Variants in CACNG1 observed in about 807,000 individuals in gnomAD.
CACNG1 encodes calcium voltage-gated channel auxiliary subunit gamma 1.
In CACNG1, 21 loss-of-function variants were observed where a neutral mutation model predicts 22.0. That is an observed-to-expected ratio of 0.95 (90% CI 0.68 to 1.37). CACNG1 has a LOEUF of 1.37. Among genes scored for constraint, CACNG1 ranks in the 40% most tolerant of loss-of-function variants. The probability of loss-of-function intolerance (pLI) is 0.00; values close to 1 mark genes in which losing one functional copy is unlikely to be tolerated. For missense variants in CACNG1, 291 were observed against 308.6 expected, an observed-to-expected ratio of 0.94 and a Z score of 0.43; for synonymous variants, 127 against 129.2, an observed-to-expected ratio of 0.98 and a Z score of 0.12.
At chr17:67,045,836 T>C (rs1029261692) in intron 1 of CACNG1, among the ~76,000 whole-genome samples, 2 of 152,128 alleles carry the variant, frequency 1.3e-5, no homozygotes, top group African/African-American at 2.4e-5. Context: ...ACCTGTCCTT[T>C]TGTCAGGACT....
intron 1 of CACNG1, among the ~76,000 whole-genome samples, chr17:67,046,357 A>G (rs560997158): frequency 1.3e-5 from 2 of 152,254 alleles, no homozygotes; most frequent in South Asian, 4.2e-4. Flanking sequence ...CACTAGGGCT[A>G]AGTCCCCAAA....
Position 67,044,943 on chromosome 17 carries a change from C to T in CACNG1, c.229+54C>T, listed in dbSNP as rs2143404799. The stretch of plus-strand genomic sequence containing the variant: ...CCACCTCCTGCTCTTCCCCGTCATC[C>T]CCCTGGCAAAGTTGCCCTTGCGAAG... On this transcript the variant is annotated intron_variant, in intron 1 of 3. Coordinates refer to ENST00000226021, the MANE Select transcript of CACNG1 (RefSeq NM_000727.4). The surrounding 1 kb of genome is among the most constrained non-coding windows in gnomAD (Gnocchi z 6.9). 6.8e-7 allele frequency: 1 copy of T among 1,468,540 alleles called. No individual in the cohort carries two copies. The highest frequency in any genetic ancestry group is 9.4e-7 in the Non-Finnish European group (1 of 1,069,234). The allele number at this position is 1,468,540 out of a possible 1,614,324, so 91.0% of individuals were successfully genotyped here. A position where few individuals can be genotyped will look rare whatever the true frequency, so the allele number is the denominator to read the frequency against.
At position 67,054,709 on chromosome 17, in the gene CACNG1, C is replaced by T. The variant is rs575901661; in HGVS notation, c.305-394C>T. Among the ~76,000 whole-genome samples, 2 of 121,750 alleles carry T rather than the reference C, an allele frequency of 1.6e-5. No individual in the cohort carries two copies. The highest frequency in any genetic ancestry group is 5.3e-5 in the African/African-American group (2 of 37,404). 79.9% of individuals were successfully genotyped at this position (121,750 alleles called of 152,430 possible). A position where few individuals can be genotyped will look rare whatever the true frequency, so the allele number is the denominator to read the frequency against. On this transcript the variant is annotated intron_variant, in intron 2 of 3. Transcript: ENST00000226021. This position sits in a 1 kb window ranked among gnomAD's most constrained non-coding sequence, Gnocchi z 4.6. ...ACTGACACACACGCATGATGACACACAAAATGACACACAGTGACACAGACA... is the reference window on the plus strand; with the variant it reads ...ACTGACACACACGCATGATGACACATAAAATGACACACAGTGACACAGACA...
chr17:67,056,113 A>G lies in CACNG1; in HGVS notation c.511A>G (p.Thr171Ala). ...GAAGCGCATGATTGACAGTGAGGAC[A>G]CCGTCTGGATCGAGTACTATTACTC... ...SVKRMIDSED[T>A]VWIEYYYSWS... The change falls in exon 4 of 4, where the codon ACC (threonine) becomes GCC (alanine). Residue 171 changes from threonine to alanine, a missense_variant. Coordinates refer to ENST00000226021, the MANE Select transcript of CACNG1 (RefSeq NM_000727.4). The surrounding 1 kb of genome is among the most constrained non-coding windows in gnomAD (Gnocchi z 4.3). The G allele has an allele frequency of 6.2e-7, 1 of 1,613,112 alleles. No homozygotes were observed. Among genetic ancestry groups the G allele is most frequent in the Non-Finnish European group, 8.5e-7 (1 of 1,179,856 alleles).
chr17:67,047,712 A>G (rs964390924), intron 1 of CACNG1, among the ~76,000 whole-genome samples: 2 of 152,208 alleles, frequency 1.3e-5, no homozygotes, highest in African/African-American at 4.8e-5. Context: ...AGTAGATAAC[A>G]GTTAGGGAAA....
At chr17:67,053,901 G>C in intron 1 of CACNG1, 95 bp from the exon 2 acceptor site, 1 of 858,720 alleles carries the variant, frequency 1.2e-6, no homozygotes, top group Non-Finnish European at 2.0e-6. Context: ...AGAGCCCCCT[G>C]CATGCCGAGC....
intron 1 of CACNG1, among the ~76,000 whole-genome samples, chr17:67,047,728 A>T (rs2035705251): frequency 6.6e-6 from 1 of 152,220 alleles, no homozygotes. Flanking sequence ...GGAAAACAAC[A>T]GGCTAACCAA....
chr17:67,055,201 T>C lies in CACNG1; in HGVS notation c.403T>C (p.Tyr135His), dbSNP rs1359994306. 1.2e-6 allele frequency: 2 copies of C among 1,614,212 alleles called. No individual in the cohort carries two copies. Among genetic ancestry groups the C allele is most frequent in the African/African-American group, 1.3e-5 (1 of 75,076 alleles). Residue 135 changes from tyrosine (Y) to histidine (H), a missense_variant, in exon 3 of 4, where the codon TAT becomes CAT. Coordinates refer to ENST00000226021, the MANE Select transcript of CACNG1 (RefSeq NM_000727.4). The surrounding 1 kb of genome is among the most constrained non-coding windows in gnomAD (Gnocchi z 4.5). ...CCTGTCCCTCGGGAAGAAGAGGGAC[T>C]ATCTGCTGCGACCCGCGTCCATGTT... ...VLLSLGKKRD[Y>H]LLRPASMFYA...
rs961541062 is a variant in CACNG1, at chr17:67,050,069, C to G, written c.230-3927C>G. On this transcript the variant is annotated intron_variant, in intron 1 of 3. Coordinates refer to ENST00000226021, the MANE Select transcript of CACNG1 (RefSeq NM_000727.4). ...AAATGAACCCGCAAAGAGGCCATCC[C>G]CTGCCCTTGGGCTGGGTGAAGTGCT... 1.2e-4 allele frequency among the ~76,000 whole-genome samples: 18 copies of G among 152,250 alleles called. No homozygotes were observed. The East Asian group carries it at 2.7e-3, about 23-fold the overall frequency.
rs1158847233 is a variant in CACNG1 at position 67,054,731 on chromosome 17, GAC to G, written c.305-365_305-364del. ...ACACAAAATGACACACAGTGACACA[GAC>G]ACACACTGATACACATGCATGATGA... On this transcript the variant is annotated intron_variant, in intron 2 of 3. Transcript: ENST00000226021. The surrounding 1 kb of genome is among the most constrained non-coding windows in gnomAD (Gnocchi z 4.6). 3.5e-5 allele frequency among the ~76,000 whole-genome samples: 5 copies of G among 141,820 alleles called. No homozygotes were observed. Among genetic ancestry groups the G allele is most frequent in the African/African-American group, 7.8e-5 (3 of 38,598 alleles). The allele number at this position is 141,820 out of a possible 152,430, so 93.0% of individuals were successfully genotyped here. A position where few individuals can be genotyped will look rare whatever the true frequency, so the allele number is the denominator to read the frequency against.
intron 1 of CACNG1, among the ~76,000 whole-genome samples, chr17:67,048,319 A>C (rs1451135833): frequency 2.0e-3 from 153 of 78,074 alleles, no homozygotes; most frequent in Middle Eastern, 6.0e-3. Context: ...AAAAAAAAAA[A>C]AAAAAACAAA....
In CACNG1 at chr17:67,044,697, C is replaced by T. The variant is rs747374506; in HGVS notation, c.37C>T (p.Leu13Phe). 5 of 1,610,338 alleles carry T rather than the reference C, an allele frequency of 3.1e-6. No individual in the cohort carries two copies. In the Admixed American group the frequency reaches 8.3e-5, roughly 27 times the overall value. ...CAAAATGCTGAAGGTCCGCGTGACC[C>T]TCTTCTGCATCCTGGCAGGCATCGT... ...QTKMLKVRVT[L>F]FCILAGIVLA... is the part of the protein sequence containing the mutation. The change falls in exon 1 of 4, where the codon CTC (leucine) becomes TTC (phenylalanine). Residue 13 changes from leucine (L) to phenylalanine (F), a missense_variant. Leu to Phe is a conservative substitution (Grantham distance 22). Transcript: ENST00000226021. The surrounding 1 kb of genome is among the most constrained non-coding windows in gnomAD (Gnocchi z 6.9).
intron 1 of CACNG1, among the ~76,000 whole-genome samples, chr17:67,048,049 T>C (rs2035706982): frequency 6.6e-6 from 1 of 152,166 alleles, no homozygotes; most frequent in African/African-American, 2.4e-5. Flanking sequence ...AACAGGGATC[T>C]CAGTGATCAC....
At chr17:67,049,813 G>A (rs936611645) in intron 1 of CACNG1, among the ~76,000 whole-genome samples, 2 of 152,190 alleles carry the variant, frequency 1.3e-5, no homozygotes, top group South Asian at 4.1e-4. Flanking sequence ...AGGGCAGCTG[G>A]ACCAGAAGCT....
intron 1 of CACNG1, among the ~76,000 whole-genome samples, chr17:67,045,162 A>T (rs2035688793): frequency 6.6e-6 from 1 of 152,204 alleles, no homozygotes; most frequent in South Asian, 2.1e-4. Context: ...GGCTCAAGAA[A>T]GGAACTGCAG....
At chr17:67,049,889 G>C (rs1472369622) in intron 1 of CACNG1, among the ~76,000 whole-genome samples, 8 of 152,216 alleles carry the variant, frequency 5.3e-5, no homozygotes, top group Non-Finnish European at 4.4e-5. Context: ...CAGTGGGCAA[G>C]AGTTGTCTAA....
intron 1 of CACNG1, among the ~76,000 whole-genome samples, chr17:67,045,380 C>T (rs1180456271): frequency 6.6e-6 from 1 of 152,140 alleles, no homozygotes; most frequent in African/African-American, 2.4e-5. Context: ...CTCCAAATTA[C>T]CAAGGATTTC....
At chr17:67,050,089 A>T (rs993366363) in intron 1 of CACNG1, among the ~76,000 whole-genome samples, 1 of 152,242 alleles carries the variant, frequency 6.6e-6, no homozygotes, top group African/African-American at 2.4e-5. Context: ...GGCTGGGTGA[A>T]GTGCTGCTTC....
intron 1 of CACNG1, among the ~76,000 whole-genome samples, chr17:67,045,284 G>A (rs1195658399): frequency 6.6e-6 from 1 of 152,220 alleles, no homozygotes; most frequent in Non-Finnish European, 1.5e-5. Context: ...TGGCAGGTTT[G>A]TTCCTGGCCT....
Sources: allele counts gnomAD v4.1 joint callset (sites outside exome capture counted in the v4.1 genomes callset), GRCh38; gene constraint gnomAD v4.1.1; non-coding constraint Gnocchi (gnomAD v3.1); transcripts MANE v1.5; gene names NCBI Gene and HGNC (gene_info 2026-07-23, HGNC 2026-07-21).